The following GAB1 variants were observed in gnomAD, a reference collection of about 807,000 sequenced individuals.
GAB1 encodes the protein GRB2 associated binding protein 1, also known as GRB2-associated-binding protein 1.
A neutral mutation model predicts 66.5 loss-of-function variants in GAB1; 19 were observed. The ratio of observed to expected loss-of-function variants is 0.29; its 90% CI spans 0.20 to 0.42. The LOEUF (loss-of-function observed/expected upper bound fraction) is 0.42. GAB1 is among the 10% of genes least tolerant of loss of function. The probability of loss-of-function intolerance (pLI) is 1.00; values close to 1 mark genes in which losing one functional copy is unlikely to be tolerated. For synonymous variants in GAB1, 294 were observed against 301.4 expected (o/e 0.98, Z 0.25); for missense variants, 732 against 858.5 (o/e 0.85, Z 1.84).
chr4:143,355,862 T>C (rs1382160320), intron 1 of GAB1, among the ~76,000 whole-genome samples: 1 of 152,188 alleles, frequency 6.6e-6, no homozygotes, highest in African/African-American at 2.4e-5. Flanking sequence ...CCTCCTTTAA[T>C]TTTTTAAGTT....
chr4:143,366,183 A>T (rs1729874776), intron 1 of GAB1, among the ~76,000 whole-genome samples: 1 of 152,148 alleles, frequency 6.6e-6, no homozygotes, highest in African/African-American at 2.4e-5. Context: ...AAATTCAGTA[A>T]TTCTGTGATT....
chr4:143,415,825 C>T, intron 2 of GAB1, 54 bp downstream of exon 2: 1 of 1,269,924 alleles, frequency 7.9e-7, no homozygotes, highest in Non-Finnish European at 1.1e-6. Context: ...GCTACATTTC[C>T]AGAAATGTCA....
chr4:143,455,703 T>C (rs1018792844), intron 6 of GAB1, among the ~76,000 whole-genome samples: 1 of 152,214 alleles, frequency 6.6e-6, no homozygotes, highest in Non-Finnish European at 1.5e-5. Flanking sequence ...CAGAGTAGTA[T>C]CAACTATAGA....
intron 4 of GAB1, 108 bp from the exon 5 acceptor site, chr4:143,439,694 C>T: frequency 2.8e-6 from 2 of 709,432 alleles, no homozygotes; most frequent in South Asian, 3.3e-5. Context: ...TGTGTGTGTG[C>T]ATGTGTGTAT....
At chr4:143,437,782 TAGAG>T (rs933095533) in intron 3 of GAB1, among the ~76,000 whole-genome samples, 18 of 152,228 alleles carry the variant, frequency 1.2e-4, no homozygotes, top group Admixed American at 4.6e-4. Flanking sequence ...AGGACAGAAT[TAGAG>T]AGAATGCTTT....
chr4:143,342,447 GAGTA>G (rs1728851304), intron 1 of GAB1, among the ~76,000 whole-genome samples: 4 of 150,438 alleles, frequency 2.7e-5, no homozygotes, highest in Admixed American at 6.6e-5. Context: ...CGTTTTTTGA[GAGTA>G]AGTAAAATCC....
intron 1 of GAB1, 119 bp from the exon 2 acceptor site, chr4:143,415,354 AACAC>A (rs1293804569): frequency 1.3e-6 from 1 of 764,970 alleles, no homozygotes; most frequent in African/African-American, 1.8e-5. Flanking sequence ...CACACACACA[AACAC>A]ACACATATTG....
intron 6 of GAB1, among the ~76,000 whole-genome samples, chr4:143,458,742 G>C (rs1735330692): frequency 6.6e-6 from 1 of 151,970 alleles, no homozygotes; most frequent in Non-Finnish European, 1.5e-5. Flanking sequence ...CAAGAGATTT[G>C]TTGCTTAAAT....
intron 1 of GAB1, among the ~76,000 whole-genome samples, chr4:143,365,022 C>T (rs940773096): frequency 7.9e-5 from 12 of 151,592 alleles, no homozygotes; most frequent in Non-Finnish European, 1.3e-4. Flanking sequence ...GGACTACAGG[C>T]GCCCGCCACC....
intron 2 of GAB1, chr4:143,426,013 A>T: frequency 1.6e-6 from 1 of 624,588 alleles, no homozygotes; most frequent in Non-Finnish European, 2.8e-6. Flanking sequence ...TTACAAAAAA[A>T]GAAAAAATTA....
intron 1 of GAB1, among the ~76,000 whole-genome samples, chr4:143,374,279 T>A (rs1458346161): frequency 6.6e-6 from 1 of 152,076 alleles, no homozygotes; most frequent in Non-Finnish European, 1.5e-5. Flanking sequence ...ACAAGTCAAG[T>A]CAGGTGACTT....
intron 1 of GAB1, among the ~76,000 whole-genome samples, chr4:143,375,567 A>G (rs1430327602): frequency 6.6e-6 from 1 of 152,184 alleles, no homozygotes; most frequent in Non-Finnish European, 1.5e-5. Context: ...AGATAAGGGA[A>G]GAAAGGGGGC....
Position 143,440,258 on chromosome 4 carries a change from G to T in GAB1, c.1461G>T (p.Met487Ile). Reference protein sequence around the residue: ...PGTFDFSSFGMQVPPPAHMGF... With the variant: ...PGTFDFSSFGIQVPPPAHMGF... ...CATTTGATTTTTCCTCATTTGGAATGCAAGTTCCTCCTCCTGCTCATATGG... is the reference window on the plus strand; with the variant it reads ...CATTTGATTTTTCCTCATTTGGAATTCAAGTTCCTCCTCCTGCTCATATGG... The change falls in exon 6 of 10, where the codon ATG becomes ATT. Residue 487 changes from methionine to isoleucine, a missense_variant. Coordinates refer to ENST00000262994, the MANE Select transcript of GAB1 (RefSeq NM_002039.4). 6.2e-7 allele frequency: 1 copy of T among 1,614,126 alleles called. No individual in the cohort carries two copies. The highest frequency in any genetic ancestry group is 8.5e-7 in the Non-Finnish European group (1 of 1,180,018).
At chr4:143,434,827 G>T (rs1352931273) in intron 3 of GAB1, among the ~76,000 whole-genome samples, 3 of 152,058 alleles carry the variant, frequency 2.0e-5, no homozygotes, top group Non-Finnish European at 4.4e-5. Context: ...CTTGTTACTT[G>T]ATGTTGAATA....
At chr4:143,434,287 T>C in intron 3 of GAB1, 1 of 331,760 alleles carries the variant, frequency 3.0e-6, no homozygotes. Flanking sequence ...ATCAAATAAA[T>C]ATATTCCTAA....
Position 143,337,239 on chromosome 4 carries a change from G to A in GAB1, c.51G>A (p.Pro17=). 6.3e-7 allele frequency: 1 copy of A among 1,583,250 alleles called. No individual in the cohort carries two copies. Among genetic ancestry groups the A allele is most frequent in the Middle Eastern group, 1.7e-4 (1 of 6,028 alleles). ...VCSGWLRKSP[P]EKKLKRYAWK... ...CCGGATGGCTCCGCAAGTCCCCCCC[G>A]GAGAAAAAGTTGAAGCGTTATGTAA... Residue 17 remains proline, a synonymous_variant, in exon 1 of 10, where the codon CCG becomes CCA. Transcript: ENST00000262994.
At chr4:143,342,317 G>A (rs555673041) in intron 1 of GAB1, among the ~76,000 whole-genome samples, 25 of 152,230 alleles carry the variant, frequency 1.6e-4, no homozygotes, top group African/African-American at 6.0e-4. Context: ...TTTTTTAAGA[G>A]ATCATCTTGG....
chr4:143,387,326 TCTCCA>T (rs1730965252), intron 1 of GAB1, among the ~76,000 whole-genome samples: 3 of 152,184 alleles, frequency 2.0e-5, no homozygotes, highest in Non-Finnish European at 4.4e-5. Flanking sequence ...AGACAGGATT[TCTCCA>T]TGTTGGTCAG....
At chr4:143,456,326 G>C (rs941881129) in intron 6 of GAB1, among the ~76,000 whole-genome samples, 1 of 151,966 alleles carries the variant, frequency 6.6e-6, no homozygotes, top group South Asian at 2.1e-4. Flanking sequence ...GCGTGGTGGC[G>C]GGCACCTGTA....
Sources: allele counts gnomAD v4.1 joint callset (sites outside exome capture counted in the v4.1 genomes callset), GRCh38; gene constraint gnomAD v4.1.1; transcripts MANE v1.5; gene names NCBI Gene and HGNC (gene_info 2026-07-23, HGNC 2026-07-21).